DMGDH: variants seen among roughly 807,000 people sequenced by gnomAD.
The protein encoded by DMGDH is dimethylglycine dehydrogenase, also known as dimethylglycine dehydrogenase, mitochondrial.
DMGDH carries 76 observed loss-of-function variants against 95.2 expected under a neutral mutation model. That is an observed-to-expected ratio of 0.80 (90% CI 0.66 to 0.97). The LOEUF (loss-of-function observed/expected upper bound fraction) is 0.97. Ranked by LOEUF, DMGDH falls within the 50% of genes least tolerant of loss-of-function variation. The probability of loss-of-function intolerance (pLI) is 0.00; values close to 1 mark genes in which losing one functional copy is unlikely to be tolerated. For synonymous variants in DMGDH, 345 were observed against 377.6 expected, an observed-to-expected ratio of 0.91 and a Z score of 1.00; for missense variants, 987 against 1,055.0, an observed-to-expected ratio of 0.94 and a Z score of 0.89.
At chr5:79,011,738 T>C (rs113897836) in intron 14 of DMGDH, among the ~76,000 whole-genome samples, 2,286 of 152,098 alleles carry the variant, frequency 0.015, 56 homozygotes, top group African/African-American at 0.052. Flanking sequence ...GAGCAAGAGA[T>C]AGAGTGCAGA....
At chr5:79,060,486 A>G (rs1312159313) in intron 2 of DMGDH, among the ~76,000 whole-genome samples, 1 of 152,192 alleles carries the variant, frequency 6.6e-6, no homozygotes, top group Admixed American at 6.5e-5. Context: ...TTTGATTCCC[A>G]CACTCTCCAG....
rs561196059 is a variant in DMGDH, at chr5:79,030,957, G to A, written c.1559C>T (p.Ser520Leu). 8.9e-5 allele frequency: 143 copies of A among 1,614,146 alleles called. No individual in the cohort carries two copies. The highest frequency in any genetic ancestry group is 4.9e-4 in the Middle Eastern group (3 of 6,062). ...RRTNWFEPVGSEYKQVMQRVA... is the reference protein window; with the variant it reads ...RRTNWFEPVGLEYKQVMQRVA... ...TCTTTGCATAACCTGTTTATACTCC[G>A]AGCCCACAGGCTCAAACCAGTTTGT... is the stretch of plus-strand genomic sequence containing the variant. Residue 520 changes from serine (S) to leucine (L), a missense_variant, in exon 10 of 16, where the codon TCG (serine) becomes TTG (leucine). Coordinates refer to ENST00000255189, the MANE Select transcript of DMGDH (RefSeq NM_013391.3).
At chr5:79,045,420 C>T (rs1754643094) in intron 5 of DMGDH, among the ~76,000 whole-genome samples, 1 of 152,024 alleles carries the variant, frequency 6.6e-6, no homozygotes, top group Non-Finnish European at 1.5e-5. Context: ...TGATTCTTTC[C>T]CAGGCTGACC....
Position 79,033,289 on chromosome 5 carries a change from G to C in DMGDH, c.1313C>G (p.Thr438Ser). ...TCTTGCTTTGGCCTCAGTGTACTGG[G>C]TTGTTGTCCATTTGCCATAGCGATT... ...DPNRYGKWTT[T>S]QYTEAKARES... Residue 438 changes from threonine (T) to serine (S), a missense_variant, in exon 8 of 16, where the codon ACC (threonine) becomes AGC (serine). By Grantham distance (58) the Thr-to-Ser change is moderately conservative (BLOSUM62 1). Coordinates refer to ENST00000255189, the MANE Select transcript of DMGDH (RefSeq NM_013391.3). 1 of 1,614,136 alleles carries C rather than the reference G, an allele frequency of 6.2e-7. No homozygotes were observed. Among genetic ancestry groups the C allele is most frequent in the African/African-American group, 1.3e-5 (1 of 75,038 alleles).
chr5:79,060,125 T>G (rs1434730875), intron 2 of DMGDH, among the ~76,000 whole-genome samples: 1 of 152,230 alleles, frequency 6.6e-6, no homozygotes, highest in African/African-American at 2.4e-5. Context: ...TGAGGGTTAT[T>G]TATAAATATC....
At chr5:79,046,455 A>G (rs1457629808) in intron 5 of DMGDH, among the ~76,000 whole-genome samples, 1 of 152,066 alleles carries the variant, frequency 6.6e-6, no homozygotes, top group South Asian at 2.1e-4. Context: ...TGGCGCAATC[A>G]TAACTCACTG....
chr5:79,005,516 T>C (rs1753531546), intron 14 of DMGDH, 109 bp from the exon 15 acceptor site: 8 of 1,423,044 alleles, frequency 5.6e-6, no homozygotes, highest in Non-Finnish European at 7.8e-6. Flanking sequence ...AATTACACAT[T>C]AAATAAAAAT....
chr5:79,061,268 A>ACACACAC (rs1755205677), intron 2 of DMGDH, among the ~76,000 whole-genome samples: 4 of 95,054 alleles, frequency 4.2e-5, no homozygotes, highest in Non-Finnish European at 6.2e-5. Flanking sequence ...CACACACACA[A>ACACACAC]ACACCTAATA....
In DMGDH at chr5:79,063,723, C is replaced by A; in HGVS notation, c.166G>T (p.Gly56Ter). Reference protein sequence around the residue: ...WKDRAETVIIGGGCVGVSLAY... With the variant: ...WKDRAETVII ...AGACTCACACCAACACAGCCACCTCCAATTATCACTGTTTCTGCTCTGTCT... is the reference window on the plus strand; with the variant it reads ...AGACTCACACCAACACAGCCACCTCAAATTATCACTGTTTCTGCTCTGTCT... Residue 56 changes from glycine to a stop codon, truncating the protein, a stop_gained, in exon 2 of 16, where the codon GGA becomes TGA. Coordinates refer to ENST00000255189, the MANE Select transcript of DMGDH (RefSeq NM_013391.3). LOFTEE classifies it high-confidence loss of function. 6.2e-7 allele frequency: 1 copy of A among 1,614,178 alleles called. No homozygotes were observed.
At chr5:79,065,901 G>A (rs545065973) in intron 1 of DMGDH, among the ~76,000 whole-genome samples, 19 of 152,108 alleles carry the variant, frequency 1.2e-4, no homozygotes, top group East Asian at 9.7e-4. Flanking sequence ...ATCATTGACC[G>A]AAACATCATT....
intron 14 of DMGDH, among the ~76,000 whole-genome samples, chr5:79,009,111 C>T (rs1331650320): frequency 5.9e-5 from 9 of 151,830 alleles, no homozygotes; most frequent in African/African-American, 1.7e-4. Context: ...TTTAGGTGGC[C>T]GGAACCTATT....
At chr5:79,033,137 C>T in intron 8 of DMGDH, 102 bp downstream of exon 8, 1 of 1,460,118 alleles carries the variant, frequency 6.8e-7, no homozygotes, top group Non-Finnish European at 9.5e-7. Flanking sequence ...GAGTCCCTAA[C>T]TACCGCCATC....
chr5:78,999,921 TTTATA>T (rs1753425628), intron 15 of DMGDH, among the ~76,000 whole-genome samples: 1 of 151,990 alleles, frequency 6.6e-6, no homozygotes, highest in African/African-American at 2.4e-5. Flanking sequence ...TATTTATTGC[TTTATA>T]TTATAAGAAT....
At chr5:79,000,707 C>T (rs1441540044) in intron 15 of DMGDH, 1 of 618,556 alleles carries the variant, frequency 1.6e-6, no homozygotes. Flanking sequence ...CTTATTTTCT[C>T]CACTCACAGG....
chr5:79,005,292 C>T lies in DMGDH; in HGVS notation c.2366G>A (p.Ser789Asn), dbSNP rs1277248874. 1 of 1,613,654 alleles carries T rather than the reference C, an allele frequency of 6.2e-7. No homozygotes were observed. ...TDDVDPEGNE[S>N]IWYNGKVVGN... ...ACTCACCTTGCCATTGTACCAGATGCTTTCATTTCCCTCTGGATCAACATC... is the reference window on the plus strand; with the variant it reads ...ACTCACCTTGCCATTGTACCAGATGTTTTCATTTCCCTCTGGATCAACATC... Residue 789 changes from serine to asparagine, a missense_variant, in exon 15 of 16, where the codon AGC becomes AAC. By Grantham distance (46) the Ser-to-Asn change is conservative. Coordinates refer to ENST00000255189, the MANE Select transcript of DMGDH (RefSeq NM_013391.3).
intron 15 of DMGDH, among the ~76,000 whole-genome samples, chr5:79,004,716 G>T (rs1561205692): frequency 1.3e-5 from 2 of 152,192 alleles, no homozygotes; most frequent in African/African-American, 2.4e-5. Context: ...TGGTTTTACT[G>T]AACACAAATA....
chr5:79,056,888 C>T (rs555385088), intron 2 of DMGDH, among the ~76,000 whole-genome samples: 2 of 152,172 alleles, frequency 1.3e-5, no homozygotes, highest in East Asian at 3.9e-4. Flanking sequence ...GGGGGAATGG[C>T]ATACAATGTG....
chr5:79,021,592 A>G (rs754415859), intron 14 of DMGDH: 1 of 1,305,966 alleles, frequency 7.7e-7, no homozygotes, highest in Non-Finnish European at 1.0e-6. Flanking sequence ...GGTTTTGACA[A>G]GAACACGATT....
chr5:79,005,946 C>T (rs1753539695), intron 14 of DMGDH, among the ~76,000 whole-genome samples: 1 of 152,036 alleles, frequency 6.6e-6, no homozygotes. Context: ...TTATTGAGCC[C>T]CTACTATGTG....
Sources: gnomAD v4.1 joint callset for allele counts (sites outside exome capture counted in the v4.1 genomes callset) on GRCh38, gnomAD v4.1.1 for gene constraint, MANE v1.5 for transcripts, NCBI Gene and HGNC (gene_info 2026-07-23, HGNC 2026-07-21) for gene names.